The following NOL4 variants were observed in gnomAD, a reference collection of about 807,000 sequenced individuals.
NOL4 encodes the protein cancer/testis antigen 125.
In NOL4, 17 loss-of-function variants were observed where a neutral mutation model predicts 75.9. The observed-to-expected ratio is 0.22, with a 90% confidence interval of 0.15 to 0.34. The LOEUF (loss-of-function observed/expected upper bound fraction) is 0.34, where lower values mean the gene tolerates loss of function less well. Ranked by LOEUF, NOL4 falls within the 10% of genes least tolerant of loss-of-function variation. NOL4 has a pLI of 1.00. For synonymous variants in NOL4, 292 were observed against 289.9 expected (o/e 1.01, Z -0.07); for missense variants, 614 against 793.5 (o/e 0.77, Z 2.72).
intron 1 of NOL4, among the ~76,000 whole-genome samples, chr18:34,163,616 C>A (rs918125821): frequency 5.3e-5 from 8 of 152,154 alleles, no homozygotes; most frequent in African/African-American, 1.9e-4. Context: ...GAAGAACATT[C>A]CATGCTCATG....
intron 6 of NOL4, among the ~76,000 whole-genome samples, chr18:34,003,321 G>A (rs2073844713): frequency 1.3e-5 from 2 of 151,886 alleles, no homozygotes; most frequent in African/African-American, 4.8e-5. Context: ...AGCTTTTATA[G>A]GGTAGCAACT....
At chr18:34,131,352 T>C (rs2080642049) in intron 1 of NOL4, among the ~76,000 whole-genome samples, 1 of 152,140 alleles carries the variant, frequency 6.6e-6, no homozygotes, top group African/African-American at 2.4e-5. Flanking sequence ...TGAGTAGTGG[T>C]GGCTGAAGCA....
chr18:34,192,323 T>C (rs1237309026), intron 1 of NOL4, among the ~76,000 whole-genome samples: 109 of 152,262 alleles, frequency 7.2e-4, no homozygotes, highest in Non-Finnish European at 4.4e-5. Flanking sequence ...TAATCCTTAA[T>C]AAAATTCCAA....
At chr18:33,965,064 A>G (rs1352621350) in intron 6 of NOL4, among the ~76,000 whole-genome samples, 2 of 152,206 alleles carry the variant, frequency 1.3e-5, no homozygotes, top group African/African-American at 2.4e-5. Flanking sequence ...TGGAATTATT[A>G]ATTTTTGTTA....
intron 10 of NOL4, among the ~76,000 whole-genome samples, chr18:33,873,258 CACAAAAGAA>C (rs1468801341): frequency 6.6e-6 from 1 of 150,414 alleles, no homozygotes; most frequent in Non-Finnish European, 1.5e-5. Context: ...GTGTTTTTCA[CACAAAAGAA>C]ACATCCAGCT....
chr18:34,220,475 T>A, intron 1 of NOL4, among the ~76,000 whole-genome samples: 1 of 152,166 alleles, frequency 6.6e-6, no homozygotes, highest in Non-Finnish European at 1.5e-5. Flanking sequence ...GATCAATATA[T>A]GCCTTGGAAT....
chr18:34,045,887 T>C (rs749314299), intron 5 of NOL4, among the ~76,000 whole-genome samples: 7 of 152,204 alleles, frequency 4.6e-5, no homozygotes, highest in Non-Finnish European at 1.0e-4. Flanking sequence ...TTGTGCTGAA[T>C]AACATTTTTA....
At chr18:33,985,764 T>C (rs972549115) in intron 6 of NOL4, among the ~76,000 whole-genome samples, 2 of 152,128 alleles carry the variant, frequency 1.3e-5, no homozygotes, top group Non-Finnish European at 2.9e-5. Flanking sequence ...CCATAATCTA[T>C]CTTTGTTGTA....
chr18:34,199,707 G>T (rs942581751), intron 1 of NOL4, among the ~76,000 whole-genome samples: 24 of 151,812 alleles, frequency 1.6e-4, no homozygotes, highest in African/African-American at 5.1e-4. Context: ...GAGAACTAAA[G>T]ATTTGAATAT....
chr18:34,029,429 G>T (rs946300767), intron 5 of NOL4, among the ~76,000 whole-genome samples: 1 of 152,088 alleles, frequency 6.6e-6, no homozygotes, highest in Non-Finnish European at 1.5e-5. Context: ...AAATGATACT[G>T]GGGTACTAAT....
At chr18:33,949,837 A>T (rs1380586510) in intron 8 of NOL4, among the ~76,000 whole-genome samples, 1 of 152,088 alleles carries the variant, frequency 6.6e-6, no homozygotes, top group Non-Finnish European at 1.5e-5. Flanking sequence ...ATGGGGAATT[A>T]ATAAGTCTTC....
chr18:33,854,638 C>A (rs551132724), intron 10 of NOL4, among the ~76,000 whole-genome samples: 1 of 151,642 alleles, frequency 6.6e-6, no homozygotes, highest in South Asian at 2.1e-4. Context: ...TTTTGTTTTT[C>A]TTTATATTTA....
intron 10 of NOL4, among the ~76,000 whole-genome samples, chr18:33,854,878 T>C (rs894694281): frequency 2.2e-4 from 33 of 151,976 alleles, no homozygotes; most frequent in African/African-American, 8.0e-4. Flanking sequence ...TTGATTTTAT[T>C]CTAATCGGCA....
intron 10 of NOL4, among the ~76,000 whole-genome samples, chr18:33,881,746 G>T (rs1275258292): frequency 6.6e-6 from 1 of 151,734 alleles, no homozygotes; most frequent in Non-Finnish European, 1.5e-5. Flanking sequence ...CGCATTGCCA[G>T]GTCAATCCTA....
chr18:34,032,720 C>T (rs2075701117), intron 5 of NOL4, among the ~76,000 whole-genome samples: 1 of 152,146 alleles, frequency 6.6e-6, no homozygotes, highest in South Asian at 2.1e-4. Context: ...TGCTGCCTAC[C>T]AGAATTGGAG....
chr18:34,162,566 T>G (rs1302234651), intron 1 of NOL4, among the ~76,000 whole-genome samples: 2 of 152,038 alleles, frequency 1.3e-5, no homozygotes, highest in Non-Finnish European at 2.9e-5. Context: ...AATAGACCAA[T>G]AACAGGCTCT....
At chr18:33,968,170 C>T (rs12457974) in intron 6 of NOL4, among the ~76,000 whole-genome samples, 22,808 of 152,034 alleles carry the variant, frequency 0.15, 1,984 homozygotes, top group East Asian at 0.34. Flanking sequence ...AGAATGCTTA[C>T]ACACTGTTGA....
chr18:34,028,768 A>T (rs959673949), intron 5 of NOL4, among the ~76,000 whole-genome samples: 18 of 152,228 alleles, frequency 1.2e-4, no homozygotes, highest in Admixed American at 1.1e-3. Flanking sequence ...ATTCATTTGC[A>T]TGGTAAAATT....
intron 5 of NOL4, among the ~76,000 whole-genome samples, chr18:34,091,470 G>T (rs1215853705): frequency 6.6e-6 from 1 of 152,062 alleles, no homozygotes. Context: ...TCCCTCGGGA[G>T]GATTCAGCAA....
Sources: allele counts gnomAD v4.1 joint callset (sites outside exome capture counted in the v4.1 genomes callset), GRCh38; gene constraint gnomAD v4.1.1; transcripts MANE v1.5; gene names NCBI Gene and HGNC (gene_info 2026-07-23, HGNC 2026-07-21).